CTSB: variants seen among roughly 807,000 people sequenced by gnomAD.
The protein encoded by CTSB is APP secretase.
A neutral mutation model predicts 44.3 loss-of-function variants in CTSB; 57 were observed. That is an observed-to-expected ratio of 1.29 (90% CI 1.04 to 1.60). The LOEUF (loss-of-function observed/expected upper bound fraction) is 1.60, where lower values mean the gene tolerates loss of function less well. Ranked by LOEUF, CTSB falls within the 40% of genes most tolerant of loss-of-function variation. The pLI is 0.00. For synonymous variants in CTSB, 320 were observed against 168.0 expected (o/e 1.91, Z -7.00); for missense variants, 768 against 443.0 (o/e 1.73, Z -6.59).
At chr8:11,862,440 T>C (rs1277002932) in intron 1 of CTSB, 2 of 152,218 alleles carry the variant, frequency 1.3e-5, no homozygotes, top group East Asian at 1.9e-4. Context: ...CAGCCAACGT[T>C]TGCATCCCAG....
intron 1 of CTSB, among the ~76,000 whole-genome samples, chr8:11,858,824 G>C (rs1815935753): frequency 6.6e-6 from 1 of 152,184 alleles, no homozygotes; most frequent in Non-Finnish European, 1.5e-5. Flanking sequence ...GCTGTTAACA[G>C]CTTTCCAGGG....
chr8:11,851,322 T>G (rs995959935), intron 3 of CTSB, among the ~76,000 whole-genome samples: 29 of 152,186 alleles, frequency 1.9e-4, no homozygotes, highest in Admixed American at 5.2e-4. Context: ...CCTGAGTAGC[T>G]GGGATTACAG....
In CTSB at chr8:11,844,250, A is replaced by T. The variant is rs1169155219; in HGVS notation, c.*875T>A. On this transcript the variant is annotated 3_prime_UTR_variant, in exon 10 of 10. Coordinates refer to ENST00000353047, the MANE Select transcript of CTSB (RefSeq NM_001908.5). ...TTCCAGGACGTGATTCTCTGCAGGG[A>T]CAAAGAGAGACAGCAGCTACAAGTC... The T allele has an allele frequency of 6.6e-6, 1 of 152,244 alleles. No individual in the cohort carries two copies. The highest frequency in any genetic ancestry group is 1.5e-5 in the Non-Finnish European group (1 of 68,056). The allele number at this position is 152,244 out of a possible 1,614,324, so 9.4% of individuals were successfully genotyped here. A position where few individuals can be genotyped will look rare whatever the true frequency, so the allele number is the denominator to read the frequency against.
At chr8:11,864,766 T>C (rs908636689) in intron 1 of CTSB, among the ~76,000 whole-genome samples, 1 of 151,692 alleles carries the variant, frequency 6.6e-6, no homozygotes, top group Non-Finnish European at 1.5e-5. Context: ...ATACAAAAAT[T>C]AGCCAGGCAT....
At chr8:11,865,270 C>T (rs1181216959) in intron 1 of CTSB, among the ~76,000 whole-genome samples, 3 of 152,174 alleles carry the variant, frequency 2.0e-5, no homozygotes, top group Non-Finnish European at 4.4e-5. Context: ...GCAGACTGGG[C>T]GCAGTGGCTC....
rs151203430 is a variant in CTSB at position 11,859,699 on chromosome 8, C to T, written c.-25-6220G>A. Among the ~76,000 whole-genome samples, 799 of 131,324 alleles carry T rather than the reference C, an allele frequency of 6.1e-3. 8 individuals are homozygous for T. Among genetic ancestry groups the T allele is most frequent in the African/African-American group, 0.022 (759 of 34,976 alleles). The allele number at this position is 131,324 out of a possible 152,430, so 86.2% of individuals were successfully genotyped here. A position where few individuals can be genotyped will look rare whatever the true frequency, so the allele number is the denominator to read the frequency against. ...AGGAGAATCACTTGAATCCAGGAAG[C>T]GGAGGTTGCAGTAAGCTGAGGTCAC... is the stretch of plus-strand genomic sequence containing the variant. On this transcript the variant is annotated intron_variant, in intron 1 of 9. Transcript: ENST00000353047.
At chr8:11,852,887 C>T (rs79698974) in intron 2 of CTSB, among the ~76,000 whole-genome samples, 192 bp from the exon 3 acceptor site, 2,877 of 152,308 alleles carry the variant, frequency 0.019, 44 homozygotes, top group Middle Eastern at 0.048. Flanking sequence ...GATCTGCTCC[C>T]ATTTGCTGAC....
intron 9 of CTSB, 46 bp from the exon 10 acceptor site, chr8:11,845,268 C>G (rs764939118): frequency 1.4e-6 from 2 of 1,416,768 alleles, no homozygotes; most frequent in South Asian, 1.2e-5. Context: ...CAAGGGTCAA[C>G]CAATATAGTC....
At position 11,845,827 on chromosome 8, in the gene CTSB, C is replaced by G. The variant is rs2272764; in HGVS notation, c.794-38G>C. Reference sequence around the variant, plus strand: ...GAACTGGCTGAGACCGAGACCGGGCCACTGTCCCACGCCCCACAGCACCCC... The same window carrying G: ...GAACTGGCTGAGACCGAGACCGGGCGACTGTCCCACGCCCCACAGCACCCC... On this transcript the variant is annotated intron_variant, in intron 8 of 9. Transcript: ENST00000353047. 785 of 1,580,978 alleles carry G rather than the reference C, an allele frequency of 5.0e-4. 10 individuals carry two copies. In the East Asian group the frequency reaches 0.017, roughly 35 times the overall value.
rs780695422 is a variant in CTSB at position 11,853,380 on chromosome 8, G to A, written c.75C>T (p.Pro25=). 4.0e-5 allele frequency: 65 copies of A among 1,612,774 alleles called. No homozygotes were observed. The Admixed American group carries it at 8.7e-4, about 22-fold the overall frequency. The change falls in exon 2 of 10, where the codon CCC becomes CCT. Residue 25 remains proline (P), a synonymous_variant. Coordinates refer to ENST00000353047, the MANE Select transcript of CTSB (RefSeq NM_001908.5). ...CATAGTTGACCAGCTCATCCGACAG[G>A]GGATGGAAAGAGGGCCTGCTCCGGG... is the stretch of plus-strand genomic sequence containing the variant. ...ANARSRPSFH[P]LSDELVNYVN...
intron 1 of CTSB, among the ~76,000 whole-genome samples, chr8:11,865,018 G>A (rs1363997247): frequency 6.6e-6 from 1 of 152,126 alleles, no homozygotes; most frequent in East Asian, 1.9e-4. Flanking sequence ...AACCATGCCA[G>A]GGCGCAAGGT....
chr8:11,846,964 CAGCCCTATT>C lies in CTSB; in HGVS notation c.793+79_793+87del, dbSNP rs141167543. Reference sequence around the variant, plus strand: ...CAGCCCCTCACCTGCCTGCCCAATCCAGCCCTATTGGTCAACATGAACCATCCTGGCACC... The same window carrying C: ...CAGCCCCTCACCTGCCTGCCCAATCCGGTCAACATGAACCATCCTGGCACC... On this transcript the variant is annotated intron_variant, in intron 8 of 9. Transcript: ENST00000353047. 1,735 of 754,266 alleles carry C rather than the reference CAGCCCTATT, an allele frequency of 2.3e-3. 27 individuals are homozygous for C. The African/African-American group carries it at 0.025, about 11-fold the overall frequency. The allele number at this position is 754,266 out of a possible 1,614,324, so 46.7% of individuals were successfully genotyped here.
chr8:11,845,283 T>C, intron 9 of CTSB, 61 bp from the exon 10 acceptor site: 3 of 1,319,860 alleles, frequency 2.3e-6, no homozygotes, highest in Non-Finnish European at 1.1e-6. Flanking sequence ...ATAGTCAGAC[T>C]CATCCTTAAA....
rs117636256 is a variant in CTSB at position 11,847,151 on chromosome 8, C to G, written c.694G>C (p.Val232Leu). The G allele has an allele frequency of 1.2e-6, 2 of 1,611,918 alleles. No homozygotes were observed. The highest frequency in any genetic ancestry group is 1.7e-6 in the Non-Finnish European group (2 of 1,178,096). ...DKHYGYNSYS[V>L]SNSEKDIMAE... Reference sequence around the variant, plus strand: ...ATGATGTCCTTCTCGCTATTGGAGACGCTGTAGGAATTGTATCCTGGAAAA... The same window carrying G: ...ATGATGTCCTTCTCGCTATTGGAGAGGCTGTAGGAATTGTATCCTGGAAAA... The change falls in exon 8 of 10, where the codon GTC becomes CTC. Residue 232 changes from valine (V) to leucine (L), a missense_variant. Physicochemically the swap from Val to Leu is conservative, Grantham distance 32. Coordinates refer to ENST00000353047, the MANE Select transcript of CTSB (RefSeq NM_001908.5).
intron 2 of CTSB, among the ~76,000 whole-genome samples, chr8:11,852,993 G>C (rs555902841): frequency 7.0e-4 from 106 of 152,270 alleles, no homozygotes; most frequent in African/African-American, 2.4e-3. Context: ...GGGAATCAGG[G>C]GCGGGACTGA....
chr8:11,859,929 C>A (rs973295563), intron 1 of CTSB, among the ~76,000 whole-genome samples: 1 of 151,548 alleles, frequency 6.6e-6, no homozygotes, highest in African/African-American at 2.4e-5. Flanking sequence ...AAAACTCAGC[C>A]GGGCATGGTG....
intron 1 of CTSB, among the ~76,000 whole-genome samples, chr8:11,863,848 C>A (rs1227198853): frequency 6.6e-6 from 1 of 152,172 alleles, no homozygotes; most frequent in Non-Finnish European, 1.5e-5. Flanking sequence ...TGCAACCACA[C>A]TGGAGAACCC....
At position 11,846,991 on chromosome 8, in the gene CTSB, C is replaced by T. The variant is rs183093806; in HGVS notation, c.793+61G>A. 2,673 of 881,466 alleles carry T rather than the reference C, an allele frequency of 3.0e-3. 69 individuals carry two copies. In the Admixed American group the frequency reaches 0.043, roughly 14 times the overall value. The allele number at this position is 881,466 out of a possible 1,614,324, so 54.6% of individuals were successfully genotyped here. ...GCCCTATTGGTCAACATGAACCATC[C>T]TGGCACCCAGGCTCCCCTCCCGACC... On this transcript the variant is annotated intron_variant, in intron 8 of 9. Transcript: ENST00000353047.
chr8:11,851,197 G>A (rs561198497), intron 3 of CTSB, among the ~76,000 whole-genome samples: 1 of 149,222 alleles, frequency 6.7e-6, no homozygotes, highest in African/African-American at 2.4e-5. Flanking sequence ...GGTGGGACGG[G>A]AGGGTGGGAG....
Sources: gnomAD v4.1 joint callset for allele counts (sites outside exome capture counted in the v4.1 genomes callset) on GRCh38, gnomAD v4.1.1 for gene constraint, MANE v1.5 for transcripts, NCBI Gene and HGNC (gene_info 2026-07-23, HGNC 2026-07-21) for gene names.